The following UBE2L3 variants were observed in gnomAD, a reference collection of about 807,000 sequenced individuals.
The protein encoded by UBE2L3 is ubiquitin conjugating enzyme E2 L3.
UBE2L3 carries 1 observed loss-of-function variant against 17.8 expected under a neutral mutation model. The ratio of observed to expected loss-of-function variants is 0.06; its 90% CI spans 0.02 to 0.27. The LOEUF is 0.27. Ranked by LOEUF, UBE2L3 falls within the 10% of genes least tolerant of loss-of-function variation. The pLI is 1.00. For missense variants in UBE2L3, 40 were observed against 192.6 expected (o/e 0.21, Z 4.69); for synonymous variants, 44 against 68.5 (o/e 0.64, Z 1.76).
At chr22:21,558,492 G>C (rs1484077751) in intron 1 of UBE2L3, among the ~76,000 whole-genome samples, 1 of 152,190 alleles carries the variant, frequency 6.6e-6, no homozygotes, top group East Asian at 1.9e-4. Context: ...ATAGCCAGGT[G>C]TGGTGGCGGG....
intron 1 of UBE2L3, chr22:21,567,972 G>T (rs1472270399): frequency 3.6e-6 from 5 of 1,370,278 alleles, no homozygotes; most frequent in Admixed American, 3.8e-5. Context: ...GCAAGGCCGC[G>T]CTGGGAGCCG....
intron 1 of UBE2L3, among the ~76,000 whole-genome samples, chr22:21,577,203 C>G (rs1927363570): frequency 6.6e-6 from 1 of 151,486 alleles, no homozygotes; most frequent in African/African-American, 2.4e-5. Context: ...CTCCTGACTT[C>G]ATGATCCACC....
At chr22:21,567,948 G>A in intron 1 of UBE2L3, 177 bp downstream of exon 1, 2 of 1,402,800 alleles carry the variant, frequency 1.4e-6, no homozygotes, top group Non-Finnish European at 1.9e-6. Flanking sequence ...CTAGGCCGCA[G>A]CCTGGGCGGG....
At chr22:21,582,199 T>C (rs905231351) in intron 1 of UBE2L3, among the ~76,000 whole-genome samples, 2 of 151,516 alleles carry the variant, frequency 1.3e-5, no homozygotes, top group African/African-American at 4.8e-5. Flanking sequence ...AGACTTGTAG[T>C]CAGAGGGATT....
rs189352700 is a variant in UBE2L3 at position 21,558,676 on chromosome 22, G to A, written c.201+9026G>A. ...ACTTAATTTTTTTTTTTTTTGTAGA[G>A]ACAGGGTCTCCCTATGTTGCCTGGG... On this transcript the variant is annotated intron_variant, in intron 1 of 3. Transcript: ENST00000458578. Among the ~76,000 whole-genome samples, 248 of 146,214 alleles carry A rather than the reference G, an allele frequency of 1.7e-3. No homozygotes were observed. The Middle Eastern group carries it at 0.018, about 11-fold the overall frequency.
intron 2 of UBE2L3, among the ~76,000 whole-genome samples, chr22:21,599,255 G>C (rs1928726697): frequency 6.6e-6 from 1 of 152,130 alleles, no homozygotes; most frequent in African/African-American, 2.4e-5. Context: ...GCACTTGCCT[G>C]TAATTGTCAG....
rs57678378 is a variant in UBE2L3, at chr22:21,612,643, CTTTTTTTTT to C, written c.310+1620_310+1628del. ...CCCAGCCGATTTTTTCTTTTCTTTT[CTTTTTTTTT>C]TTTTTTTTTTTTTTTTTTTGAGACG... On this transcript the variant is annotated intron_variant, in intron 3 of 3. Transcript: ENST00000342192. 1.1e-3 allele frequency among the ~76,000 whole-genome samples: 58 copies of C among 52,494 alleles called. No individual in the cohort carries two copies. The East Asian group carries it at 0.017, about 16-fold the overall frequency. The allele number at this position is 52,494 out of a possible 152,430, so 34.4% of individuals were successfully genotyped here.
At chr22:21,604,046 G>T (rs891248952) in intron 2 of UBE2L3, among the ~76,000 whole-genome samples, 1 of 151,746 alleles carries the variant, frequency 6.6e-6, no homozygotes, top group Non-Finnish European at 1.5e-5. Context: ...CAAAGTGCTG[G>T]AGTTTAAGTT....
At chr22:21,605,322 G>C (rs1409502046) in intron 2 of UBE2L3, among the ~76,000 whole-genome samples, 1 of 151,864 alleles carries the variant, frequency 6.6e-6, no homozygotes, top group African/African-American at 2.4e-5. Flanking sequence ...GGTTCAACCA[G>C]TTCTCATGCC....
At chr22:21,605,309 C>T (rs1929095881) in intron 2 of UBE2L3, among the ~76,000 whole-genome samples, 1 of 152,026 alleles carries the variant, frequency 6.6e-6, no homozygotes, top group African/African-American at 2.4e-5. Context: ...CCGGTGCCTC[C>T]TGGGTTCAAC....
intron 1 of UBE2L3, among the ~76,000 whole-genome samples, chr22:21,588,294 T>G (rs900812819): frequency 6.6e-6 from 1 of 152,162 alleles, no homozygotes; most frequent in African/African-American, 2.4e-5. Flanking sequence ...TTACATTGGT[T>G]TCCTTCAATT....
chr22:21,584,467 A>G (rs1415467013), intron 1 of UBE2L3, among the ~76,000 whole-genome samples: 1 of 150,862 alleles, frequency 6.6e-6, no homozygotes, highest in Admixed American at 6.6e-5. Context: ...GAGCCACCAC[A>G]CCCGGCCTCG....
chr22:21,585,093 CT>C (rs34602750), intron 1 of UBE2L3, among the ~76,000 whole-genome samples: 1 of 152,298 alleles, frequency 6.6e-6, no homozygotes, highest in African/African-American at 2.4e-5. Context: ...GTTCCTGGAC[CT>C]TTTGATTGTT....
Position 21,587,987 on chromosome 22 carries a change from C to T in UBE2L3, c.28-4874C>T, listed in dbSNP as rs375289768. 3.7e-4 allele frequency among the ~76,000 whole-genome samples: 56 copies of T among 152,294 alleles called. 1 individual carries two copies. Among genetic ancestry groups the T allele is most frequent in the Admixed American group, 3.2e-3 (49 of 15,288 alleles). On this transcript the variant is annotated intron_variant, in intron 1 of 3. Coordinates refer to ENST00000342192, the MANE Select transcript of UBE2L3 (RefSeq NM_003347.4). Reference sequence around the variant, plus strand: ...GCTCTCTTTCTCCTGCACCACCTGCCCTGGTTGGGAAGCCTGCTGTCCCCA... The same window carrying T: ...GCTCTCTTTCTCCTGCACCACCTGCTCTGGTTGGGAAGCCTGCTGTCCCCA...
chr22:21,557,164 A>C (rs193099463), intron 1 of UBE2L3, among the ~76,000 whole-genome samples: 31 of 152,392 alleles, frequency 2.0e-4, no homozygotes, highest in African/African-American at 7.0e-4. Context: ...CAGGAGTTCA[A>C]GACCAGCCTA....
intron 2 of UBE2L3, among the ~76,000 whole-genome samples, chr22:21,595,934 C>T (rs1427634574): frequency 2.0e-5 from 3 of 152,014 alleles, no homozygotes; most frequent in East Asian, 1.9e-4. Context: ...GGCACGATCT[C>T]GGCTCACTGC....
upstream of UBE2L3, among the ~76,000 whole-genome samples, chr22:21,563,479 G>A (rs543577021): frequency 2.3e-5 from 3 of 131,008 alleles, no homozygotes; most frequent in South Asian, 2.5e-4. Context: ...GGAGAATGGC[G>A]TGAACCCGGG....
At chr22:21,591,339 A>G (rs566814852) in intron 1 of UBE2L3, among the ~76,000 whole-genome samples, 1 of 152,298 alleles carries the variant, frequency 6.6e-6, no homozygotes, top group South Asian at 2.1e-4. Context: ...CACTTGCTGG[A>G]CCAGAATTTC....
chr22:21,596,491 C>T (rs371076794), intron 2 of UBE2L3, among the ~76,000 whole-genome samples: 1 of 152,158 alleles, frequency 6.6e-6, no homozygotes, highest in African/African-American at 2.4e-5. Context: ...ATACATCAGC[C>T]TCCCGAGTAG....
Sources: gnomAD v4.1 joint callset for allele counts (sites outside exome capture counted in the v4.1 genomes callset) on GRCh38, gnomAD v4.1.1 for gene constraint, MANE v1.5 for transcripts, NCBI Gene and HGNC (gene_info 2026-07-23, HGNC 2026-07-21) for gene names.